Variants in AKT1S1 observed in about 807,000 individuals in gnomAD.
AKT1S1 encodes proline-rich AKT1 substrate 1.
A neutral mutation model predicts 21.2 loss-of-function variants in AKT1S1; 17 were observed. That is an observed-to-expected ratio of 0.80 (90% CI 0.55 to 1.20). The LOEUF is 1.20. AKT1S1 is among the 50% of genes most tolerant of loss of function. The pLI, the probability that AKT1S1 is intolerant of heterozygous loss-of-function variation, is 0.00. For missense variants in AKT1S1, 366 were observed against 368.3 expected (o/e 0.99, Z 0.05); for synonymous variants, 181 against 165.6 (o/e 1.09, Z -0.72).
intron 1 of AKT1S1, chr19:49,876,237 G>A (rs958032666): frequency 1.9e-5 from 21 of 1,083,668 alleles, no homozygotes; most frequent in African/African-American, 8.2e-5. Flanking sequence ...GGTCTAGGAA[G>A]AAAACAGGAA....
At chr19:49,878,232 C>T (rs981080546), upstream of AKT1S1, 5 of 1,558,118 alleles carry the variant, frequency 3.2e-6, no homozygotes, top group South Asian at 3.5e-5. Flanking sequence ...TCATCCGTGT[C>T]GTGGAAAAGG....
chr19:49,871,672 A>C lies in AKT1S1; in HGVS notation c.502T>G (p.Ser168Ala). 6.2e-7 allele frequency: 1 copy of C among 1,613,514 alleles called. No individual in the cohort carries two copies. The highest frequency in any genetic ancestry group is 8.5e-7 in the Non-Finnish European group (1 of 1,179,768). ...EETPAGPPTC[S>A]VPPASALPTQ... is the part of the protein sequence containing the mutation. ...GGTAGGGCTGAGGCTGGGGGCACTG[A>C]GCAGGTGGGGGGGCCGGCGGGGGTC... Residue 168 changes from serine to alanine, a missense_variant, in exon 4 of 5, where the codon TCA becomes GCA. Transcript: ENST00000344175.
upstream of AKT1S1, chr19:49,878,344 G>A: frequency 7.9e-7 from 1 of 1,265,004 alleles, no homozygotes; most frequent in African/African-American, 1.5e-5. Flanking sequence ...GTCAGCAGTG[G>A]GACCTGAAGA....
upstream of AKT1S1, chr19:49,878,316 T>C: frequency 7.0e-7 from 1 of 1,432,470 alleles, no homozygotes; most frequent in Non-Finnish European, 9.6e-7. Context: ...GCGGCAGCTG[T>C]AGGAGTTTGG....
intron 4 of AKT1S1, among the ~76,000 whole-genome samples, chr19:49,870,605 C>T (rs973555477): frequency 6.6e-6 from 1 of 152,196 alleles, no homozygotes; most frequent in African/African-American, 2.4e-5. Context: ...CGCCAAGGAG[C>T]CTGCAGTTCT....
In AKT1S1 at chr19:49,873,494, C is replaced by A. The variant is rs2074909284; in HGVS notation, c.-7-192G>T. 9.3e-7 allele frequency: 1 copy of A among 1,078,046 alleles called. No homozygotes were observed. 66.8% of individuals were successfully genotyped at this position (1,078,046 alleles called of 1,614,324 possible). ...CCATCCAGTCCTCGCAGGCCCAGAC[C>A]CTGGCGACGTCCTCTGCCCCAACCC... On this transcript the variant is annotated intron_variant, in intron 1 of 4. Coordinates refer to ENST00000344175, the MANE Select transcript of AKT1S1 (RefSeq NM_001098633.4). This position sits in a 1 kb window ranked among gnomAD's most constrained non-coding sequence, Gnocchi z 6.9.
rs747746783 is a variant in AKT1S1, at chr19:49,871,612, C to A, written c.562G>T (p.Val188Leu). The A allele has an allele frequency of 5.6e-6, 9 of 1,613,958 alleles. No individual in the cohort carries two copies. The highest frequency in any genetic ancestry group is 2.7e-5 in the African/African-American group (2 of 74,884). The part of the protein sequence containing the change: ...QQYAKSLPVS[V>L]PVWGFKEKRT... ...TTCTCCTTGAAGCCCCAGACGGGCA[C>A]AGACACAGGCAGGGACTTGGCGTAC... Residue 188 changes from valine to leucine, a missense_variant, in exon 4 of 5, where the codon GTG becomes TTG. Physicochemically the swap from Val to Leu is conservative, Grantham distance 32. Coordinates refer to ENST00000344175, the MANE Select transcript of AKT1S1 (RefSeq NM_001098633.4).
At chr19:49,878,168 A>T, upstream of AKT1S1, 1 of 1,577,674 alleles carries the variant, frequency 6.3e-7, no homozygotes, top group Non-Finnish European at 8.6e-7. Context: ...GGCGGAGTGT[A>T]CCTGCACACC....
Position 49,869,971 on chromosome 19 carries a change from C to A in AKT1S1, c.717G>T (p.Leu239=), listed in dbSNP as rs769421869. ...EAEDTQVFGD[L]PRPRLNTSDF... is the part of the protein sequence containing the mutation. ...CGCTGGTGTTAAGCCGCGGCCGTGGCAGGTCCCCGAAGACCTGGGTGTCCT... is the reference window on the plus strand; with the variant it reads ...CGCTGGTGTTAAGCCGCGGCCGTGGAAGGTCCCCGAAGACCTGGGTGTCCT... The change falls in exon 5 of 5, where the codon CTG becomes CTT. Residue 239 remains leucine (L), a synonymous_variant. Coordinates refer to ENST00000344175, the MANE Select transcript of AKT1S1 (RefSeq NM_001098633.4). 6.5e-7 allele frequency: 1 copy of A among 1,544,360 alleles called. No homozygotes were observed. The highest frequency in any genetic ancestry group is 8.8e-7 in the Non-Finnish European group (1 of 1,142,104).
chr19:49,870,060 G>T lies in AKT1S1; in HGVS notation c.628C>A (p.Pro210Thr). 1 of 1,527,832 alleles carries T rather than the reference G, an allele frequency of 6.5e-7. No homozygotes were observed. Among genetic ancestry groups the T allele is most frequent in the African/African-American group, 1.4e-5 (1 of 70,710 alleles). 94.6% of individuals were successfully genotyped at this position (1,527,832 alleles called of 1,614,324 possible). The stretch of plus-strand genomic sequence containing the variant: ...ATGCGGTCCAGGTCGGGCGAAGAGG[G>T]CTGCGGGGACGGCGACGGGGCGAGG... Reference protein sequence around the residue: ...ARSSDEENGPPSSPDLDRIAA... With the variant: ...ARSSDEENGPTSSPDLDRIAA... Residue 210 changes from proline to threonine, a missense_variant and splice_region_variant, in exon 5 of 5, where the codon CCC becomes ACC. Transcript: ENST00000344175.
chr19:49,875,652 C>A (rs2074931486), intron 1 of AKT1S1, among the ~76,000 whole-genome samples: 2 of 152,164 alleles, frequency 1.3e-5, no homozygotes, highest in Non-Finnish European at 2.9e-5. Flanking sequence ...GAGAGGAGGT[C>A]CCGGAAGAGA....
upstream of AKT1S1, chr19:49,878,150 T>C: frequency 6.3e-7 from 1 of 1,577,520 alleles, no homozygotes; most frequent in Non-Finnish European, 8.6e-7. Flanking sequence ...CAGGTGGTGT[T>C]TGAGAAGGGC....
chr19:49,874,375 C>T (rs909136101), intron 1 of AKT1S1: 1 of 152,288 alleles, frequency 6.6e-6, no homozygotes, highest in Non-Finnish European at 1.5e-5. Context: ...CACGGCTTTT[C>T]CTACAAGACT....
At chr19:49,877,789 G>T (rs1398531230), upstream of AKT1S1, 57 of 1,560,580 alleles carry the variant, frequency 3.7e-5, no homozygotes, top group Admixed American at 1.1e-3. Context: ...TATGCGAAAC[G>T]CCCCGTCTAG....
At chr19:49,874,287 T>C (rs1956444829) in intron 1 of AKT1S1, 1 of 152,318 alleles carries the variant, frequency 6.6e-6, no homozygotes, top group Non-Finnish European at 1.5e-5. Context: ...CAGAGGGAAC[T>C]GGCTGGTTCT....
Position 49,869,261 on chromosome 19 carries a change from T to A in AKT1S1, c.*656A>T, listed in dbSNP as rs560493400. The stretch of plus-strand genomic sequence containing the variant: ...ACGGGCTTCGATTGGCAGGCTGTTG[T>A]GGGGATGGATGGAACCAATGAAAGG... On this transcript the variant is annotated 3_prime_UTR_variant, in exon 5 of 5. Transcript: ENST00000344175. 418 of 152,574 alleles carry A rather than the reference T, an allele frequency of 2.7e-3. No homozygotes were observed. Among genetic ancestry groups the A allele is most frequent in the South Asian group, 0.016 (76 of 4,860 alleles). 9.5% of individuals were successfully genotyped at this position (152,574 alleles called of 1,614,324 possible). A position where few individuals can be genotyped will look rare whatever the true frequency, so the allele number is the denominator to read the frequency against.
chr19:49,878,033 C>T (rs1449991379), upstream of AKT1S1: 5 of 943,198 alleles, frequency 5.3e-6, no homozygotes, highest in East Asian at 2.7e-5. Context: ...GGCAATGGCC[C>T]TCCCGGCCCC....
chr19:49,871,576 C>A lies in AKT1S1; in HGVS notation c.598G>T (p.Ala200Ser). 2 of 1,614,072 alleles carry A rather than the reference C, an allele frequency of 1.2e-6. No individual in the cohort carries two copies. ...CCATTCTCCTCATCTGATGACCGCG[C>A]CTCTGTCCTCTTCTCCTTGAAGCCC... ...VWGFKEKRTE[A>S]RSSDEENGPP... is the part of the protein sequence containing the mutation. The change falls in exon 4 of 5, where the codon GCG becomes TCG. Residue 200 changes from alanine (A) to serine (S), a missense_variant. Coordinates refer to ENST00000344175, the MANE Select transcript of AKT1S1 (RefSeq NM_001098633.4).
chr19:49,875,730 G>A lies in AKT1S1; in HGVS notation c.-8+1507C>T, dbSNP rs76005735. 415 of 400,890 alleles carry A rather than the reference G, an allele frequency of 1.0e-3. 15 individuals carry two copies. In the East Asian group the frequency reaches 0.052, roughly 50 times the overall value. 24.8% of individuals were successfully genotyped at this position (400,890 alleles called of 1,614,324 possible). ...ACGGGATTAAAGAGTGAAATAGGGTGAGTGAGTTGTGAGGGCTCCCCCAAC... is the reference window on the plus strand; with the variant it reads ...ACGGGATTAAAGAGTGAAATAGGGTAAGTGAGTTGTGAGGGCTCCCCCAAC... On this transcript the variant is annotated intron_variant, in intron 1 of 4. Coordinates refer to ENST00000344175, the MANE Select transcript of AKT1S1 (RefSeq NM_001098633.4).
Sources: allele counts gnomAD v4.1 joint callset (sites outside exome capture counted in the v4.1 genomes callset), GRCh38; gene constraint gnomAD v4.1.1; non-coding constraint Gnocchi (gnomAD v3.1); transcripts MANE v1.5; gene names NCBI Gene and HGNC (gene_info 2026-07-23, HGNC 2026-07-21).